The following CACNA1C variants were observed in gnomAD, a reference collection of about 807,000 sequenced individuals.
The protein encoded by CACNA1C is voltage-dependent L-type calcium channel subunit alpha-1C.
CACNA1C carries 30 observed loss-of-function variants against 229.0 expected under a neutral mutation model. That is an observed-to-expected ratio of 0.13 (90% CI 0.10 to 0.18). The LOEUF (loss-of-function observed/expected upper bound fraction) is 0.18. Ranked by LOEUF, CACNA1C falls within the 10% of genes least tolerant of loss-of-function variation. The pLI is 1.00. For synonymous variants in CACNA1C, 1,114 were observed against 1,132.5 expected (o/e 0.98, Z 0.33); for missense variants, 1,658 against 2,845.0 (o/e 0.58, Z 9.49).
Position 2,517,473 on chromosome 12 carries a change from C to T in CACNA1C, c.1390+4489C>T, listed in dbSNP as rs549860531. Among the ~76,000 whole-genome samples the T allele has an allele frequency of 2.0e-5, 3 of 152,250 alleles. No individual in the cohort carries two copies. The East Asian group carries it at 5.8e-4, about 29-fold the overall frequency. On this transcript the variant is annotated intron_variant, in intron 9 of 46. Transcript: ENST00000399655. ...GGTTACAGTCTTGGAAAAAAGAGGA[C>T]GTGATACTCAAGAGCCATTTCAGAG...
chr12:2,219,779 T>A (rs551717699), intron 3 of CACNA1C, among the ~76,000 whole-genome samples: 37 of 152,260 alleles, frequency 2.4e-4, no homozygotes, highest in African/African-American at 5.1e-4. Context: ...CCCTTATATG[T>A]GGAAAGAATT....
chr12:1,988,669 T>C (rs1405344349), intron 1 of CACNA1C, among the ~76,000 whole-genome samples: 1 of 152,226 alleles, frequency 6.6e-6, no homozygotes, highest in African/African-American at 2.4e-5. Flanking sequence ...TCAGGAAAAC[T>C]AGGAGTGTGC....
chr12:2,685,663 G>T, intron 43 of CACNA1C, 73 bp from the exon 44 acceptor site: 2 of 1,104,116 alleles, frequency 1.8e-6, no homozygotes, highest in East Asian at 2.4e-5. Flanking sequence ...AGTGCTTTCC[G>T]GGGGTGCAGC....
At chr12:2,293,988 A>AGT (rs2093763103) in intron 3 of CACNA1C, among the ~76,000 whole-genome samples, 8 of 152,178 alleles carry the variant, frequency 5.3e-5, no homozygotes, top group Admixed American at 6.5e-5. Context: ...TATTAATTGA[A>AGT]TCATTTATTA....
intron 34 of CACNA1C, among the ~76,000 whole-genome samples, chr12:2,661,607 G>A (rs986851404): frequency 2.0e-5 from 3 of 151,976 alleles, no homozygotes; most frequent in African/African-American, 7.3e-5. Context: ...AAACTTTCCA[G>A]GAACAGAAAG....
chr12:2,282,137 T>A (rs995789619), intron 3 of CACNA1C, among the ~76,000 whole-genome samples: 1 of 152,142 alleles, frequency 6.6e-6, no homozygotes, highest in African/African-American at 2.4e-5. Flanking sequence ...TGATTATTAT[T>A]TCAGAACCAA....
Position 2,615,593 on chromosome 12 carries a change from G to T in CACNA1C, c.3828+3580G>T, listed in dbSNP as rs564256090. Reference sequence around the variant, plus strand: ...CTGGAGGTGAGGATGGCAGGAGAGGGAGCCACACGTAAATCCTTTACGGCC... The same window carrying T: ...CTGGAGGTGAGGATGGCAGGAGAGGTAGCCACACGTAAATCCTTTACGGCC... On this transcript the variant is annotated intron_variant, in intron 29 of 46. Transcript: ENST00000399655. Among the ~76,000 whole-genome samples, 27 of 48,776 alleles carry T rather than the reference G, an allele frequency of 5.5e-4. 1 individual carries two copies. The South Asian group carries it at 0.025, about 45-fold the overall frequency. 32.0% of individuals were successfully genotyped at this position (48,776 alleles called of 152,430 possible).
intron 30 of CACNA1C, among the ~76,000 whole-genome samples, chr12:2,637,983 C>T (rs2093066454): frequency 6.6e-6 from 1 of 152,214 alleles, no homozygotes; most frequent in South Asian, 2.1e-4. Flanking sequence ...GGCCCTCCCT[C>T]TCAGGAACCA....
intron 1 of CACNA1C, among the ~76,000 whole-genome samples, chr12:2,011,639 G>T (rs992698099): frequency 6.6e-6 from 1 of 152,158 alleles, no homozygotes; most frequent in African/African-American, 2.4e-5. Flanking sequence ...ATGTAGAAAA[G>T]CCCAGAAACA....
At chr12:2,299,351 A>G (rs1317434869) in intron 3 of CACNA1C, among the ~76,000 whole-genome samples, 1 of 152,108 alleles carries the variant, frequency 6.6e-6, no homozygotes, top group Non-Finnish European at 1.5e-5. Context: ...GGGCTAAACT[A>G]AAAACGTTTT....
At position 2,653,776 on chromosome 12, in the gene CACNA1C, AG is replaced by A; in HGVS notation, c.4075-55del. 6.8e-7 allele frequency: 1 copy of A among 1,473,878 alleles called. No individual in the cohort carries two copies. The highest frequency in any genetic ancestry group is 9.5e-7 in the Non-Finnish European group (1 of 1,055,558). 91.3% of individuals were successfully genotyped at this position (1,473,878 alleles called of 1,614,324 possible). A position where few individuals can be genotyped will look rare whatever the true frequency, so the allele number is the denominator to read the frequency against. ...GACAGGGATGCGGCGCTCCCTGGGA[AG>A]GGGCCCAGCTGGCCTCTGCACTCCA... On this transcript the variant is annotated intron_variant, in intron 32 of 46. Transcript: ENST00000399655. The surrounding 1 kb of genome is among the most constrained non-coding windows in gnomAD (Gnocchi z 4.7).
chr12:2,043,083 A>C (rs1769773885), intron 1 of CACNA1C, among the ~76,000 whole-genome samples: 1 of 152,214 alleles, frequency 6.6e-6, no homozygotes, highest in African/African-American at 2.4e-5. Flanking sequence ...GTGCTACATA[A>C]ATTATAAATG....
rs1423780066 is a variant in CACNA1C at position 2,653,269 on chromosome 12, G to A, written c.4075-566G>A. Among the ~76,000 whole-genome samples, 3 of 152,204 alleles carry A rather than the reference G, an allele frequency of 2.0e-5. No individual in the cohort carries two copies. Among genetic ancestry groups the A allele is most frequent in the Non-Finnish European group, 4.4e-5 (3 of 68,042 alleles). On this transcript the variant is annotated intron_variant, in intron 32 of 46. Transcript: ENST00000399655. The surrounding 1 kb of genome is among the most constrained non-coding windows in gnomAD (Gnocchi z 4.7). ...ATTATTGTTTCCATTTTTCTGATGAGGAGACTGAAGTTCAGAGAAGTTAAG... is the reference window on the plus strand; with the variant it reads ...ATTATTGTTTCCATTTTTCTGATGAAGAGACTGAAGTTCAGAGAAGTTAAG...
chr12:2,224,198 A>G (rs897718703), intron 3 of CACNA1C, among the ~76,000 whole-genome samples: 1 of 152,186 alleles, frequency 6.6e-6, no homozygotes, highest in African/African-American at 2.4e-5. Flanking sequence ...CTTCTTAATG[A>G]TATCAACAAC....
At chr12:2,631,323 C>G (rs1167900339) in intron 29 of CACNA1C, among the ~76,000 whole-genome samples, 3 of 152,172 alleles carry the variant, frequency 2.0e-5, no homozygotes, top group Non-Finnish European at 4.4e-5. Context: ...GCTTTCTAGG[C>G]TGATGCAGAG....
In CACNA1C at chr12:2,655,221, C is replaced by G; in HGVS notation, c.4215C>G (p.Ala1405=). ...RNNNFQTFPQ[A]VLLLFRCATG... ...ACAACTTTCAGACCTTCCCCCAGGCCGTGCTGCTCCTCTTCAGGTGGGTCC... is the reference window on the plus strand; with the variant it reads ...ACAACTTTCAGACCTTCCCCCAGGCGGTGCTGCTCCTCTTCAGGTGGGTCC... The change falls in exon 34 of 47, where the codon GCC becomes GCG. Residue 1405 remains alanine (A), a synonymous_variant. Coordinates refer to ENST00000399655, the MANE Select transcript of CACNA1C (RefSeq NM_000719.7). The G allele has an allele frequency of 1.2e-6, 2 of 1,611,834 alleles. No homozygotes were observed. Among genetic ancestry groups the G allele is most frequent in the African/African-American group, 2.7e-5 (2 of 74,990 alleles).
At chr12:2,528,356 C>T (rs2099829993) in intron 9 of CACNA1C, among the ~76,000 whole-genome samples, 1 of 152,194 alleles carries the variant, frequency 6.6e-6, no homozygotes, top group South Asian at 2.1e-4. Context: ...CTGGGCCAAA[C>T]CTGATCATTT....
intron 3 of CACNA1C, among the ~76,000 whole-genome samples, chr12:2,261,050 A>G (rs1453773787): frequency 1.3e-5 from 2 of 152,034 alleles, no homozygotes; most frequent in African/African-American, 2.4e-5. Flanking sequence ...CTAACATGGT[A>G]AAACCCTGTC....
chr12:2,147,164 G>A (rs74806198), intron 3 of CACNA1C, among the ~76,000 whole-genome samples: 3,171 of 151,112 alleles, frequency 0.021, 129 homozygotes, highest in African/African-American at 0.072. Context: ...CACTGAGAGA[G>A]GGGGGGAACC....
Sources: gnomAD v4.1 joint callset for allele counts (sites outside exome capture counted in the v4.1 genomes callset) on GRCh38, gnomAD v4.1.1 for gene constraint, Gnocchi (gnomAD v3.1) non-coding constraint, MANE v1.5 for transcripts, NCBI Gene and HGNC (gene_info 2026-07-23, HGNC 2026-07-21) for gene names.